SPATS2: variants seen among roughly 807,000 people sequenced by gnomAD.
SPATS2 encodes the protein spermatogenesis-associated serine-rich protein 2.
In SPATS2, 38 loss-of-function variants were observed where a neutral mutation model predicts 63.7. The ratio of observed to expected loss-of-function variants is 0.60; its 90% CI spans 0.46 to 0.78. The LOEUF is 0.78. Ranked by LOEUF, SPATS2 falls within the 30% of genes least tolerant of loss-of-function variation. The probability of loss-of-function intolerance (pLI) is 0.00; values close to 1 mark genes in which losing one functional copy is unlikely to be tolerated. For synonymous variants in SPATS2, 207 were observed against 232.9 expected (o/e 0.89, Z 1.01); for missense variants, 588 against 666.2 (o/e 0.88, Z 1.29).
intron 2 of SPATS2, among the ~76,000 whole-genome samples, chr12:49,409,026 G>T (rs1282524482): frequency 6.6e-6 from 1 of 152,108 alleles, no homozygotes. Flanking sequence ...GCTAAAGTTG[G>T]ACAGATGGAA....
chr12:49,523,340 G>A (rs1273137696), intron 12 of SPATS2, among the ~76,000 whole-genome samples: 1 of 150,022 alleles, frequency 6.7e-6, no homozygotes, highest in Non-Finnish European at 1.5e-5. Flanking sequence ...AATTAGCCAG[G>A]TGTGGTGGCA....
chr12:49,393,792 C>A (rs1417759025), intron 2 of SPATS2, among the ~76,000 whole-genome samples: 3 of 152,024 alleles, frequency 2.0e-5, no homozygotes, highest in Admixed American at 6.6e-5. Context: ...ACAAGAAAAC[C>A]GAGGCTCATC....
chr12:49,370,040 C>G (rs1943971421), intron 1 of SPATS2, among the ~76,000 whole-genome samples: 1 of 152,180 alleles, frequency 6.6e-6, no homozygotes. Flanking sequence ...AAAACATGAG[C>G]ATAGCCCCTG....
At chr12:49,383,207 G>A (rs891791478) in intron 2 of SPATS2, among the ~76,000 whole-genome samples, 1 of 149,116 alleles carries the variant, frequency 6.7e-6, no homozygotes, top group African/African-American at 2.5e-5. Context: ...TTAGTAGAAA[G>A]GGGGTTTCAC....
intron 2 of SPATS2, among the ~76,000 whole-genome samples, chr12:49,375,190 GT>G (rs71822908): frequency 1.1e-5 from 1 of 91,094 alleles, no homozygotes; most frequent in African/African-American, 6.3e-5. Context: ...GTGTGTGTGT[GT>G]GTGTGGTGGT....
chr12:49,496,254 C>T (rs1946461387), intron 7 of SPATS2, among the ~76,000 whole-genome samples: 1 of 152,070 alleles, frequency 6.6e-6, no homozygotes, highest in South Asian at 2.1e-4. Context: ...ACACTTCTAT[C>T]CCCTAGAGCG....
chr12:49,479,229 G>A (rs867242037), intron 3 of SPATS2, among the ~76,000 whole-genome samples: 1 of 152,206 alleles, frequency 6.6e-6, no homozygotes, highest in Non-Finnish European at 1.5e-5. Context: ...GTCACTACCC[G>A]AGTATGCTGG....
intron 2 of SPATS2, among the ~76,000 whole-genome samples, chr12:49,385,432 G>A (rs1451273735): frequency 1.3e-5 from 2 of 151,794 alleles, no homozygotes; most frequent in Non-Finnish European, 2.9e-5. Context: ...CAGATGTAGT[G>A]AGGGAAGGCC....
intron 2 of SPATS2, among the ~76,000 whole-genome samples, chr12:49,410,102 G>T (rs1442721980): frequency 1.3e-5 from 2 of 151,364 alleles, no homozygotes; most frequent in Non-Finnish European, 2.9e-5. Context: ...TTGAGATGGA[G>T]TCTCGCTCTG....
At chr12:49,437,136 C>T (rs1009915284) in intron 2 of SPATS2, among the ~76,000 whole-genome samples, 1 of 151,820 alleles carries the variant, frequency 6.6e-6, no homozygotes, top group Admixed American at 6.5e-5. Flanking sequence ...GGTGGAGGGG[C>T]TCCTCACTTC....
chr12:49,400,398 G>A (rs1400105745), intron 2 of SPATS2, among the ~76,000 whole-genome samples: 24 of 152,138 alleles, frequency 1.6e-4, no homozygotes, highest in Non-Finnish European at 5.9e-5. Context: ...TAGCTGGTGA[G>A]GAAACTGGGG....
intron 10 of SPATS2, among the ~76,000 whole-genome samples, chr12:49,515,175 C>T (rs977799276): frequency 5.3e-5 from 8 of 152,156 alleles, no homozygotes; most frequent in Admixed American, 4.6e-4. Context: ...TGAAGTCTAA[C>T]TTTGGTGATT....
At chr12:49,412,955 A>G (rs1436190573) in intron 2 of SPATS2, among the ~76,000 whole-genome samples, 1 of 152,090 alleles carries the variant, frequency 6.6e-6, no homozygotes, top group Non-Finnish European at 1.5e-5. Flanking sequence ...AGAAGAAGGA[A>G]CTGAGTAAGC....
At chr12:49,449,224 T>A (rs1945572710) in intron 2 of SPATS2, among the ~76,000 whole-genome samples, 1 of 152,212 alleles carries the variant, frequency 6.6e-6, no homozygotes, top group African/African-American at 2.4e-5. Flanking sequence ...TGTTTGTTTG[T>A]TTGTTTTCTG....
At chr12:49,367,169 G>C (rs561289334), upstream of SPATS2, 3 of 165,832 alleles carry the variant, frequency 1.8e-5, no homozygotes, top group East Asian at 5.1e-4. Flanking sequence ...TCCGGTGCGC[G>C]GGCCGTCTCG....
At chr12:49,444,497 G>C (rs780964429) in intron 2 of SPATS2, among the ~76,000 whole-genome samples, 1 of 152,068 alleles carries the variant, frequency 6.6e-6, no homozygotes, top group African/African-American at 2.4e-5. Context: ...TGGATTATAG[G>C]TGTGAGCCAT....
chr12:49,371,755 G>A (rs1234713461), intron 2 of SPATS2, among the ~76,000 whole-genome samples: 1 of 152,018 alleles, frequency 6.6e-6, no homozygotes, highest in Non-Finnish European at 1.5e-5. Flanking sequence ...AGAGAGAGGT[G>A]GGGGGAAGTG....
In SPATS2 at chr12:49,376,398, C is replaced by T. The variant is rs576440478; in HGVS notation, c.-244+5108C>T. The stretch of plus-strand genomic sequence containing the variant: ...GATTACAGGCCTGAGCTATCACGCC[C>T]GCCCCTGATTTTTTTTAAGTCAGAG... On this transcript the variant is annotated intron_variant, in intron 2 of 13. Coordinates refer to ENST00000552918, the MANE Select transcript of SPATS2 (RefSeq NM_023071.4). 5.9e-5 allele frequency among the ~76,000 whole-genome samples: 9 copies of T among 151,712 alleles called. No homozygotes were observed. The East Asian group carries it at 1.2e-3, about 20-fold the overall frequency.
At chr12:49,481,659 G>C (rs868177717) in intron 3 of SPATS2, among the ~76,000 whole-genome samples, 13 of 151,510 alleles carry the variant, frequency 8.6e-5, no homozygotes, top group African/African-American at 2.9e-4. Context: ...GTAGAGACGG[G>C]GTTTCACCAT....
Sources: allele counts gnomAD v4.1 joint callset (sites outside exome capture counted in the v4.1 genomes callset), GRCh38; gene constraint gnomAD v4.1.1; transcripts MANE v1.5; gene names NCBI Gene and HGNC (gene_info 2026-07-23, HGNC 2026-07-21).